Variants in TMEM131 observed in about 807,000 individuals in gnomAD.
TMEM131 encodes the protein 2610524E03Rik.
In TMEM131, 66 loss-of-function variants were observed where a neutral mutation model predicts 211.6. That is an observed-to-expected ratio of 0.31 (90% CI 0.26 to 0.38). The LOEUF (loss-of-function observed/expected upper bound fraction) is 0.38, where lower values mean the gene tolerates loss of function less well. Among genes scored for constraint, TMEM131 ranks in the 10% least tolerant of loss-of-function variants. The pLI is 1.00. For missense variants in TMEM131, 2,036 were observed against 2,299.3 expected (o/e 0.89, Z 2.34); for synonymous variants, 844 against 841.3 (o/e 1.00, Z -0.06).
At position 97,805,360 on chromosome 2, in the gene TMEM131, C is replaced by T. The variant is rs898560350; in HGVS notation, c.2284+16G>A. The T allele has an allele frequency of 1.9e-6, 3 of 1,611,462 alleles. No homozygotes were observed. Among genetic ancestry groups the T allele is most frequent in the Non-Finnish European group, 2.5e-6 (3 of 1,178,386 alleles). On this transcript the variant is annotated intron_variant, in intron 21 of 40. Coordinates refer to ENST00000186436, the MANE Select transcript of TMEM131 (RefSeq NM_015348.2). ...GGGGAAGTGAAGACATGAGAGAGAA[C>T]AGCAAGGTCACTTACATTTGGATAG...
At chr2:97,858,603 C>T (rs993307846) in intron 5 of TMEM131, among the ~76,000 whole-genome samples, 8 of 152,092 alleles carry the variant, frequency 5.3e-5, no homozygotes, top group Non-Finnish European at 1.2e-4. Flanking sequence ...CTGACAGGAG[C>T]CCTTTAAAGC....
chr2:97,792,325 T>G, intron 31 of TMEM131, 61 bp downstream of exon 31: 1 of 1,360,948 alleles, frequency 7.3e-7, no homozygotes, highest in Non-Finnish European at 9.9e-7. Flanking sequence ...TAATAGCTCC[T>G]TAAGCACGCA....
At chr2:97,813,388 T>C (rs970540227) in intron 15 of TMEM131, among the ~76,000 whole-genome samples, 2 of 152,220 alleles carry the variant, frequency 1.3e-5, no homozygotes, top group Non-Finnish European at 2.9e-5. Flanking sequence ...TTATCTTTCC[T>C]AACAGTTTTC....
chr2:97,992,079 AT>A (rs1485703867), intron 1 of TMEM131, among the ~76,000 whole-genome samples: 1 of 152,206 alleles, frequency 6.6e-6, no homozygotes, highest in Non-Finnish European at 1.5e-5. Flanking sequence ...ATAACATTCT[AT>A]TTACAAGGCC....
chr2:97,809,227 T>G (rs1334498087), intron 19 of TMEM131, among the ~76,000 whole-genome samples: 1 of 152,178 alleles, frequency 6.6e-6, no homozygotes, highest in African/African-American at 2.4e-5. Flanking sequence ...CTCTTAAAAC[T>G]TTTCTCAATT....
chr2:97,827,251 C>T, intron 11 of TMEM131: 2 of 778,062 alleles, frequency 2.6e-6, no homozygotes, highest in South Asian at 2.7e-5. Context: ...CGCCAGGATG[C>T]CCAAGAGGAA....
chr2:97,817,491 C>T (rs1559378460), intron 12 of TMEM131, among the ~76,000 whole-genome samples: 1 of 152,218 alleles, frequency 6.6e-6, no homozygotes, highest in Non-Finnish European at 1.5e-5. Flanking sequence ...GATACTGACA[C>T]TGGTAGGCAT....
chr2:97,881,478 G>A lies in TMEM131; in HGVS notation c.359+6574C>T, dbSNP rs752097069. ...CCACCTCGGCCTCCCATAGGGTTGC[G>A]ATTACAGGCGTGAGCCACAGCATCT... On this transcript the variant is annotated intron_variant, in intron 4 of 40. Coordinates refer to ENST00000186436, the MANE Select transcript of TMEM131 (RefSeq NM_015348.2). Among the ~76,000 whole-genome samples, 4 of 151,872 alleles carry A rather than the reference G, an allele frequency of 2.6e-5. No individual in the cohort carries two copies. The East Asian group carries it at 5.8e-4, about 22-fold the overall frequency.
rs921727830 is a variant in TMEM131 at position 97,772,819 on chromosome 2, C to T, written c.4321-395G>A. Among the ~76,000 whole-genome samples, 59 of 152,354 alleles carry T rather than the reference C, an allele frequency of 3.9e-4. 1 individual carries two copies. The highest frequency in any genetic ancestry group is 1.3e-3 in the African/African-American group (52 of 41,586). ...GGCTGAGGCATGAGAATCGCTTGAA[C>T]TGGGGAGGCAGGGGTTGCAGTGAGC... On this transcript the variant is annotated intron_variant, in intron 32 of 40. Transcript: ENST00000186436.
intron 29 of TMEM131, 22 bp from the exon 30 acceptor site, chr2:97,793,575 G>GA: frequency 1.3e-6 from 2 of 1,577,098 alleles, no homozygotes; most frequent in South Asian, 1.2e-5. Context: ...AAAAAAATTG[G>GA]AAAATCAGGA....
intron 19 of TMEM131, 66 bp downstream of exon 19, chr2:97,809,622 G>T: frequency 9.3e-7 from 1 of 1,077,466 alleles, no homozygotes; most frequent in East Asian, 2.5e-5. Flanking sequence ...AAGATTCTAG[G>T]AACACAGAGC....
At chr2:97,885,405 A>G (rs1675110677) in intron 4 of TMEM131, among the ~76,000 whole-genome samples, 1 of 131,230 alleles carries the variant, frequency 7.6e-6, no homozygotes, top group Admixed American at 7.3e-5. Flanking sequence ...CATGTTAGCC[A>G]GGATGGTCTT....
Position 97,912,165 on chromosome 2 carries a change from A to G in TMEM131, c.250-3467T>C, listed in dbSNP as rs367674414. Among the ~76,000 whole-genome samples the G allele has an allele frequency of 1.1e-4, 16 of 152,358 alleles. 1 individual carries two copies. The highest frequency in any genetic ancestry group is 3.8e-4 in the African/African-American group (16 of 41,600). ...CAGGCAAATAAGGATTACAACATTAATAACTTTACAATGTAAAGATACATA... is the reference window on the plus strand; with the variant it reads ...CAGGCAAATAAGGATTACAACATTAGTAACTTTACAATGTAAAGATACATA... On this transcript the variant is annotated intron_variant, in intron 2 of 40. Coordinates refer to ENST00000186436, the MANE Select transcript of TMEM131 (RefSeq NM_015348.2).
rs773794704 is a variant in TMEM131, at chr2:97,762,183, T to C, written c.4741A>G (p.Lys1581Glu). Residue 1581 changes from lysine (K) to glutamate (E), a missense_variant, in exon 36 of 41, where the codon AAA becomes GAA. Around this residue, in one of 3 missense-constraint regions of TMEM131, gnomAD observed 1,623 missense variants for 1,805.9 expected, o/e 0.90. Transcript: ENST00000186436. Reference protein sequence around the residue: ...KPGSSTDSLYKLSLQTLNADI... With the variant: ...KPGSSTDSLYELSLQTLNADI... Reference sequence around the variant, plus strand: ...GCGTTGAGGGTTTGCAGAGAAAGTTTATAAAGACTATCAGTAGCTGGAAAT... The same window carrying C: ...GCGTTGAGGGTTTGCAGAGAAAGTTCATAAAGACTATCAGTAGCTGGAAAT... 3 of 1,613,852 alleles carry C rather than the reference T, an allele frequency of 1.9e-6. No homozygotes were observed. In the Admixed American group the frequency reaches 5.0e-5, roughly 27 times the overall value.
At chr2:97,822,762 T>C (rs1475529671) in intron 11 of TMEM131, among the ~76,000 whole-genome samples, 2 of 152,060 alleles carry the variant, frequency 1.3e-5, no homozygotes, top group African/African-American at 4.8e-5. Context: ...CTGTTGTGGG[T>C]GCCTGGGCTG....
chr2:97,857,003 A>G (rs1673876667), intron 5 of TMEM131, among the ~76,000 whole-genome samples: 1 of 152,194 alleles, frequency 6.6e-6, no homozygotes, highest in South Asian at 2.1e-4. Context: ...TTACCTACAC[A>G]TTTAGTTTAT....
intron 3 of TMEM131, among the ~76,000 whole-genome samples, chr2:97,901,958 TC>T (rs1376777064): frequency 6.6e-6 from 1 of 152,150 alleles, no homozygotes; most frequent in Non-Finnish European, 1.5e-5. Context: ...TTGGAAATGT[TC>T]CTAACACAAA....
intron 1 of TMEM131, among the ~76,000 whole-genome samples, chr2:97,929,832 T>G (rs141261192): frequency 1.3e-5 from 2 of 151,982 alleles, no homozygotes; most frequent in African/African-American, 4.9e-5. Context: ...CTGATGCAAA[T>G]GACCTTTTTC....
At chr2:97,987,853 T>C (rs1680095627) in intron 1 of TMEM131, among the ~76,000 whole-genome samples, 1 of 152,198 alleles carries the variant, frequency 6.6e-6, no homozygotes, top group Admixed American at 6.5e-5. Context: ...CCCAAGTTTA[T>C]GGGTTAAAAT....
Sources: allele counts gnomAD v4.1 joint callset (sites outside exome capture counted in the v4.1 genomes callset), GRCh38; gene constraint gnomAD v4.1.1; regional missense constraint gnomAD v4.1.1; transcripts MANE v1.5; gene names NCBI Gene and HGNC (gene_info 2026-07-23, HGNC 2026-07-21).